The following TRPM7 variants were observed in gnomAD, a reference collection of about 807,000 sequenced individuals.
TRPM7 encodes LTRPC ion channel family member 7.
Under a neutral mutation model 229.7 loss-of-function variants are expected in TRPM7, and 134 were observed. The ratio of observed to expected loss-of-function variants is 0.58; its 90% CI spans 0.51 to 0.67. TRPM7 has a LOEUF of 0.67. Ranked by LOEUF, TRPM7 falls within the 30% of genes least tolerant of loss-of-function variation. TRPM7 has a pLI of 0.00. For synonymous variants in TRPM7, 699 were observed against 715.2 expected (o/e 0.98, Z 0.36); for missense variants, 1,901 against 2,210.0 (o/e 0.86, Z 2.80).
intron 12 of TRPM7, among the ~76,000 whole-genome samples, chr15:50,622,037 A>T (rs11854286): frequency 6.6e-6 from 1 of 152,176 alleles, no homozygotes; most frequent in Non-Finnish European, 1.5e-5. Context: ...TCTCAAAAAA[A>T]CAAAACAAAA....
intron 27 of TRPM7, among the ~76,000 whole-genome samples, chr15:50,589,148 C>T (rs1031678019): frequency 1.3e-5 from 2 of 151,962 alleles, no homozygotes; most frequent in African/African-American, 4.8e-5. Flanking sequence ...ATGGTAAAAC[C>T]TCATCTCTAC....
chr15:50,609,536 GC>G lies in TRPM7; in HGVS notation c.2580+44del, dbSNP rs575706338. 1.4e-4 allele frequency: 210 copies of G among 1,554,166 alleles called. No homozygotes were observed. The African/African-American group carries it at 2.7e-3, about 20-fold the overall frequency. The stretch of plus-strand genomic sequence containing the variant: ...GATTCCGAACCAATGGTCCCCCAAA[GC>G]CTAACTCTTAAAAACATTATGCTTG... On this transcript the variant is annotated intron_variant, in intron 19 of 38. Transcript: ENST00000646667.
At chr15:50,609,358 T>C (rs1280894872) in intron 19 of TRPM7, among the ~76,000 whole-genome samples, 3 of 152,182 alleles carry the variant, frequency 2.0e-5, no homozygotes, top group Non-Finnish European at 4.4e-5. Flanking sequence ...ATTGTATATT[T>C]GTTAAGTACA....
Position 50,648,856 on chromosome 15 carries a change from T to G in TRPM7, c.152A>C (p.His51Pro). 1 of 1,611,904 alleles carries G rather than the reference T, an allele frequency of 6.2e-7. No individual in the cohort carries two copies. The highest frequency in any genetic ancestry group is 2.2e-5 in the East Asian group (1 of 44,810). The change falls in exon 4 of 39, where the codon CAT (histidine) becomes CCT (proline). Residue 51 changes from histidine to proline, a missense_variant. Around this residue, in one of 8 missense-constraint regions of TRPM7, gnomAD observed 794 missense variants for 881.9 expected, o/e 0.90. Transcript: ENST00000646667. ...RCFCGRLVKQ[H>P]ACFTASLAMK... ...GGCAAGACTTGCAGTAAAACAAGCATGTTGCTTGACCAAGCGACCACAAAA... is the reference window on the plus strand; with the variant it reads ...GGCAAGACTTGCAGTAAAACAAGCAGGTTGCTTGACCAAGCGACCACAAAA...
At chr15:50,655,577 G>C (rs1555430598) in intron 3 of TRPM7, among the ~76,000 whole-genome samples, 1 of 148,414 alleles carries the variant, frequency 6.7e-6, no homozygotes, top group African/African-American at 2.5e-5. Context: ...CAAAGGAATA[G>C]AAAAAAAAAA....
intron 21 of TRPM7, among the ~76,000 whole-genome samples, chr15:50,600,973 A>G (rs2059765848): frequency 6.6e-6 from 1 of 152,236 alleles, no homozygotes; most frequent in South Asian, 2.1e-4. Context: ...TAATGCCTTC[A>G]TTGAGCATTT....
intron 19 of TRPM7, among the ~76,000 whole-genome samples, chr15:50,608,098 AAAGAC>A (rs1469801012): frequency 5.3e-5 from 8 of 151,800 alleles, no homozygotes; most frequent in Non-Finnish European, 5.9e-5. Context: ...GAAAAGAAAA[AAAGAC>A]AAGACAAGAC....
At chr15:50,618,987 A>T (rs976023718) in intron 13 of TRPM7, among the ~76,000 whole-genome samples, 2 of 152,052 alleles carry the variant, frequency 1.3e-5, no homozygotes, top group African/African-American at 4.8e-5. Flanking sequence ...ATTTTTTTTT[A>T]AAGGGGAGAG....
intron 3 of TRPM7, among the ~76,000 whole-genome samples, chr15:50,650,961 G>A (rs923735713): frequency 7.9e-5 from 12 of 152,254 alleles, no homozygotes; most frequent in Middle Eastern, 3.4e-3. Flanking sequence ...AATGGAGACC[G>A]GCAGTTTGCT....
Position 50,575,713 on chromosome 15 carries a change from T to C in TRPM7, c.4735+11A>G. 6.2e-7 allele frequency: 1 copy of C among 1,605,090 alleles called. No individual in the cohort carries two copies. The highest frequency in any genetic ancestry group is 8.5e-7 in the Non-Finnish European group (1 of 1,176,662). On this transcript the variant is annotated intron_variant, in intron 33 of 38. Transcript: ENST00000646667. ...TTTTCACTTATTTATTTCTTTAATT[T>C]TTGGATTTACCTCTTGGAGGCACAG...
chr15:50,627,926 T>C (rs551886787), intron 11 of TRPM7, among the ~76,000 whole-genome samples: 8 of 152,332 alleles, frequency 5.3e-5, no homozygotes, highest in Non-Finnish European at 1.0e-4. Flanking sequence ...CTTTCAGTTC[T>C]AAGATTCTTA....
chr15:50,685,103 A>C (rs2062327537), intron 1 of TRPM7, among the ~76,000 whole-genome samples: 1 of 152,250 alleles, frequency 6.6e-6, no homozygotes, highest in South Asian at 2.1e-4. Flanking sequence ...CACATGGTTG[A>C]AGCTGTTGAA....
intron 1 of TRPM7, among the ~76,000 whole-genome samples, chr15:50,682,975 C>A (rs1333951631): frequency 6.6e-6 from 1 of 151,600 alleles, no homozygotes; most frequent in Non-Finnish European, 1.5e-5. Context: ...CAGCTCACTG[C>A]AACCTCAAGC....
At chr15:50,572,208 C>T (rs183056696) in intron 36 of TRPM7, among the ~76,000 whole-genome samples, 59 of 152,216 alleles carry the variant, frequency 3.9e-4, no homozygotes, top group African/African-American at 1.3e-3. Flanking sequence ...TGGCTTGAGC[C>T]GAAGGAGTTT....
At position 50,574,344 on chromosome 15, in the gene TRPM7, C is replaced by A. The variant is rs375947860; in HGVS notation, c.5238G>T (p.Glu1746Asp). 7 of 1,613,888 alleles carry A rather than the reference C, an allele frequency of 4.3e-6. No individual in the cohort carries two copies. The highest frequency in any genetic ancestry group is 8.5e-7 in the Non-Finnish European group (1 of 1,179,972). ...DEIIPTNTLE[E>D]IMLAFSHWTY... ...TCCAGTGGCTAAAGGCTAGCATGAT[C>A]TCTTCCAGAGTATTAGTTGGAATAA... Residue 1746 changes from glutamate (E) to aspartate (D), a missense_variant, in exon 36 of 39, where the codon GAG (glutamate) becomes GAT (aspartate). Physicochemically the swap from Glu to Asp is conservative, Grantham distance 45 (BLOSUM62 2). This residue lies in a region of TRPM7 where 257 missense variants were observed against 352.0 expected (regional missense o/e 0.73). Coordinates refer to ENST00000646667, the MANE Select transcript of TRPM7 (RefSeq NM_017672.6).
intron 12 of TRPM7, 113 bp from the exon 13 acceptor site, chr15:50,619,911 C>T (rs1367138001): frequency 1.1e-6 from 1 of 894,994 alleles, no homozygotes; most frequent in East Asian, 3.0e-5. Flanking sequence ...GAGTTATTTC[C>T]TTAAGTTCTA....
chr15:50,665,064 CAG>C (rs1169468609), intron 1 of TRPM7, among the ~76,000 whole-genome samples: 2 of 152,088 alleles, frequency 1.3e-5, no homozygotes, highest in African/African-American at 4.8e-5. Context: ...ATATTAGAAA[CAG>C]AAGATCCATT....
At chr15:50,685,692 G>C (rs967125011) in intron 1 of TRPM7, among the ~76,000 whole-genome samples, 4 of 152,156 alleles carry the variant, frequency 2.6e-5, no homozygotes, top group Non-Finnish European at 5.9e-5. Flanking sequence ...TCATGTCCCT[G>C]ATGTAAATGA....
intron 3 of TRPM7, among the ~76,000 whole-genome samples, chr15:50,653,715 T>C (rs1380340522): frequency 1.3e-5 from 2 of 152,236 alleles, no homozygotes; most frequent in East Asian, 1.9e-4. Flanking sequence ...AGTTGGAATT[T>C]GTAGCAGAGT....
Sources: gnomAD v4.1 joint callset for allele counts (sites outside exome capture counted in the v4.1 genomes callset) on GRCh38, gnomAD v4.1.1 for gene constraint, gnomAD v4.1.1 regional missense constraint, MANE v1.5 for transcripts, NCBI Gene and HGNC (gene_info 2026-07-23, HGNC 2026-07-21) for gene names.